The following DCLK1 variants were observed in gnomAD, a reference collection of about 807,000 sequenced individuals.
The protein encoded by DCLK1 is doublecortin like kinase 1, also known as serine/threonine-protein kinase DCLK1.
A neutral mutation model predicts 86.2 loss-of-function variants in DCLK1; 16 were observed. The observed-to-expected ratio is 0.19, with a 90% CI of 0.13 to 0.28. The LOEUF is 0.28. DCLK1 is among the 10% of genes least tolerant of loss of function. The pLI is 1.00. For missense variants in DCLK1, 590 were observed against 940.2 expected, an observed-to-expected ratio of 0.63 and a Z score of 4.87; for synonymous variants, 369 against 370.5, an observed-to-expected ratio of 1.00 and a Z score of 0.05.
chr13:35,922,966 T>C (rs1171058), intron 4 of DCLK1, among the ~76,000 whole-genome samples: 29,852 of 152,156 alleles, frequency 0.2, 4,063 homozygotes, highest in African/African-American at 0.39. Context: ...AGCTGCCTCA[T>C]GGGAACGATG....
intron 16 of DCLK1, among the ~76,000 whole-genome samples, chr13:35,778,125 T>C (rs1449157494): frequency 6.6e-6 from 1 of 152,210 alleles, no homozygotes; most frequent in Non-Finnish European, 1.5e-5. Context: ...TTTGTGGCTT[T>C]TGAGATATGA....
At chr13:35,934,326 G>A (rs1344178982) in intron 4 of DCLK1, among the ~76,000 whole-genome samples, 1 of 152,044 alleles carries the variant, frequency 6.6e-6, no homozygotes, top group Non-Finnish European at 1.5e-5. Flanking sequence ...CACTCTACTG[G>A]TACCAATTTA....
At chr13:35,991,105 C>T (rs1170728614) in intron 3 of DCLK1, among the ~76,000 whole-genome samples, 1 of 152,084 alleles carries the variant, frequency 6.6e-6, no homozygotes, top group African/African-American at 2.4e-5. Context: ...CACCCACCTC[C>T]CCTTCTCCCA....
intron 4 of DCLK1, among the ~76,000 whole-genome samples, chr13:35,945,229 G>A (rs1291609713): frequency 6.6e-6 from 1 of 152,176 alleles, no homozygotes; most frequent in Non-Finnish European, 1.5e-5. Flanking sequence ...TTCTAAGGGG[G>A]AAATAGCAAG....
chr13:36,087,481 C>T (rs1048221821), intron 3 of DCLK1, among the ~76,000 whole-genome samples: 3 of 152,098 alleles, frequency 2.0e-5, no homozygotes, highest in African/African-American at 7.2e-5. Flanking sequence ...GTTAGGTATT[C>T]GTTTGGTAAT....
At chr13:35,786,103 ATG>A (rs953084809) in intron 16 of DCLK1, among the ~76,000 whole-genome samples, 25 of 152,172 alleles carry the variant, frequency 1.6e-4, no homozygotes, top group African/African-American at 5.8e-4. Context: ...TTATTCAGGG[ATG>A]TGTCATTTTG....
chr13:36,126,460 T>C (rs1043145194), intron 1 of DCLK1, among the ~76,000 whole-genome samples: 5 of 152,114 alleles, frequency 3.3e-5, no homozygotes, highest in Non-Finnish European at 7.4e-5. Flanking sequence ...ATGAGGGTCT[T>C]GTTTTATTGT....
intron 16 of DCLK1, among the ~76,000 whole-genome samples, chr13:35,779,509 G>C (rs1250600664): frequency 6.6e-6 from 1 of 152,114 alleles, no homozygotes; most frequent in Non-Finnish European, 1.5e-5. Flanking sequence ...CACATATTAA[G>C]TGTGTATTAA....
intron 15 of DCLK1, among the ~76,000 whole-genome samples, chr13:35,801,876 T>C (rs2086926802): frequency 6.6e-6 from 1 of 152,178 alleles, no homozygotes; most frequent in South Asian, 2.1e-4. Flanking sequence ...CCCAACAGCA[T>C]TCCAGACCCC....
At chr13:35,858,630 G>A (rs1247655681) in intron 5 of DCLK1, among the ~76,000 whole-genome samples, 4 of 152,074 alleles carry the variant, frequency 2.6e-5, no homozygotes, top group African/African-American at 4.8e-5. Flanking sequence ...GGGACACTCG[G>A]ATCTGCCTCC....
chr13:35,901,298 C>A (rs189870610), intron 4 of DCLK1, among the ~76,000 whole-genome samples: 282 of 151,790 alleles, frequency 1.9e-3, no homozygotes, highest in African/African-American at 6.4e-3. Flanking sequence ...ACCAGCCTGG[C>A]CAACATGGTG....
At chr13:36,028,125 T>A (rs147684876) in intron 3 of DCLK1, among the ~76,000 whole-genome samples, 87 of 152,348 alleles carry the variant, frequency 5.7e-4, no homozygotes, top group African/African-American at 2.0e-3. Flanking sequence ...GCTTTCCAGG[T>A]ATTTTAAAAT....
rs2322807 is a variant in DCLK1 at position 35,810,894 on chromosome 13, G to A, written c.1629C>T (p.Pro543=). 1.9e-6 allele frequency: 3 copies of A among 1,613,644 alleles called. No homozygotes were observed. The East Asian group carries it at 6.7e-5, about 36-fold the overall frequency. ...DFGLATIVDG[P]LYTVCGTPTY... is the part of the protein sequence containing the mutation. ...TTGGGGTGCCACAGACTGTGTACAGGGGGCCGTCTACAATGGTGGCCAGTC... is the reference window on the plus strand; with the variant it reads ...TTGGGGTGCCACAGACTGTGTACAGAGGGCCGTCTACAATGGTGGCCAGTC... Residue 543 remains proline (P), a synonymous_variant, in exon 12 of 17, where the codon CCC becomes CCT. Coordinates refer to ENST00000360631, the MANE Select transcript of DCLK1 (RefSeq NM_001330071.2).
At chr13:35,937,071 G>A (rs982801604) in intron 4 of DCLK1, among the ~76,000 whole-genome samples, 8 of 142,208 alleles carry the variant, frequency 5.6e-5, no homozygotes, top group African/African-American at 1.0e-4. Context: ...CCAGGTTCAC[G>A]CCATTCTCCT....
intron 10 of DCLK1, among the ~76,000 whole-genome samples, chr13:35,823,355 GCACACACACACA>G (rs34702154): frequency 1.4e-5 from 2 of 147,860 alleles, no homozygotes; most frequent in Non-Finnish European, 3.0e-5. Flanking sequence ...TTATTAGGAT[GCACACACACACA>G]CACACACACA....
chr13:35,850,505 T>C (rs1870534590), intron 6 of DCLK1: 4 of 1,213,374 alleles, frequency 3.3e-6, no homozygotes, highest in Non-Finnish European at 4.1e-6. Flanking sequence ...CTCTCCCCAA[T>C]CAAATCCATG....
At chr13:35,984,897 G>A (rs1879826071) in intron 3 of DCLK1, among the ~76,000 whole-genome samples, 1 of 148,252 alleles carries the variant, frequency 6.7e-6, no homozygotes, top group Admixed American at 6.7e-5. Flanking sequence ...GCGTGCGCAT[G>A]CACACACACA....
intron 3 of DCLK1, among the ~76,000 whole-genome samples, chr13:36,027,480 T>C (rs996136383): frequency 2.0e-5 from 3 of 152,154 alleles, no homozygotes; most frequent in African/African-American, 7.2e-5. Context: ...AAACTGGATA[T>C]GCATTGCTAA....
intron 4 of DCLK1, among the ~76,000 whole-genome samples, chr13:35,900,860 G>T (rs1874312081): frequency 6.6e-6 from 1 of 152,172 alleles, no homozygotes; most frequent in Non-Finnish European, 1.5e-5. Flanking sequence ...AAAATTCCGT[G>T]CATGGAGTCA....
Sources: allele counts gnomAD v4.1 joint callset (sites outside exome capture counted in the v4.1 genomes callset), GRCh38; gene constraint gnomAD v4.1.1; transcripts MANE v1.5; gene names NCBI Gene and HGNC (gene_info 2026-07-23, HGNC 2026-07-21).